Variants in FAF1 observed in about 807,000 individuals in gnomAD.
FAF1 encodes the protein Fas associated factor 1, also known as FAS-associated factor 1.
A neutral mutation model predicts 92.5 loss-of-function variants in FAF1; 25 were observed. That is an observed-to-expected ratio of 0.27 (90% confidence interval 0.20 to 0.38). The LOEUF (loss-of-function observed/expected upper bound fraction) is 0.38, where lower values mean the gene tolerates loss of function less well. Among genes scored for constraint, FAF1 ranks in the 10% least tolerant of loss-of-function variants. The probability of loss-of-function intolerance (pLI) is 1.00; values close to 1 mark genes in which losing one functional copy is unlikely to be tolerated. For synonymous variants in FAF1, 234 were observed against 273.2 expected, an observed-to-expected ratio of 0.86 and a Z score of 1.42; for missense variants, 636 against 793.3, an observed-to-expected ratio of 0.80 and a Z score of 2.38.
intron 8 of FAF1, among the ~76,000 whole-genome samples, chr1:50,622,553 T>C (rs1052424107): frequency 1.3e-5 from 2 of 152,346 alleles, no homozygotes; most frequent in Middle Eastern, 3.4e-3. Flanking sequence ...TTAAAGGATA[T>C]TAGTACAATT....
chr1:50,761,282 C>T (rs1308586695), intron 4 of FAF1, among the ~76,000 whole-genome samples: 2 of 152,186 alleles, frequency 1.3e-5, no homozygotes, highest in African/African-American at 4.8e-5. Flanking sequence ...GGTACCATTC[C>T]TTCTGAAACT....
chr1:50,544,553 C>A lies in FAF1; in HGVS notation c.1269-4825G>T, dbSNP rs115297002. On this transcript the variant is annotated intron_variant, in intron 13 of 18. Coordinates refer to ENST00000396153, the MANE Select transcript of FAF1 (RefSeq NM_007051.3). ...TCTGAAGGCAGTTCTTAAAAGAAAT[C>A]ATCATAAAAATATTTTGGGCAATGA... is the stretch of plus-strand genomic sequence containing the variant. Among the ~76,000 whole-genome samples the A allele has an allele frequency of 2.6e-3, 399 of 152,258 alleles. 1 individual carries two copies. The highest frequency in any genetic ancestry group is 9.3e-3 in the African/African-American group (386 of 41,558).
At chr1:50,791,597 C>A (rs779179221) in intron 3 of FAF1, among the ~76,000 whole-genome samples, 1 of 152,118 alleles carries the variant, frequency 6.6e-6, no homozygotes, top group Non-Finnish European at 1.5e-5. Context: ...TTCTTATAAC[C>A]AGCTTCTTGA....
intron 8 of FAF1, among the ~76,000 whole-genome samples, chr1:50,654,079 G>C (rs1384572812): frequency 2.6e-5 from 4 of 152,188 alleles, no homozygotes; most frequent in African/African-American, 9.7e-5. Flanking sequence ...TTAGATTCAA[G>C]TAGCATCTAC....
chr1:50,920,859 G>A (rs976123569), intron 1 of FAF1, among the ~76,000 whole-genome samples: 3 of 152,122 alleles, frequency 2.0e-5, no homozygotes, highest in Non-Finnish European at 4.4e-5. Context: ...AAAAAGGTAA[G>A]AATGTAAAGA....
At chr1:50,536,036 T>C (rs1441577803) in intron 14 of FAF1, among the ~76,000 whole-genome samples, 1 of 152,174 alleles carries the variant, frequency 6.6e-6, no homozygotes, top group Non-Finnish European at 1.5e-5. Context: ...CCTCAGTCTA[T>C]TACCTTTACT....
intron 7 of FAF1, among the ~76,000 whole-genome samples, chr1:50,666,378 T>G (rs1655631831): frequency 1.3e-5 from 2 of 151,990 alleles, no homozygotes; most frequent in Non-Finnish European, 2.9e-5. Context: ...GGGTAATTTT[T>G]AAACTTTTTG....
At chr1:50,537,483 T>C (rs1277663016) in intron 14 of FAF1, among the ~76,000 whole-genome samples, 1 of 152,182 alleles carries the variant, frequency 6.6e-6, no homozygotes, top group Non-Finnish European at 1.5e-5. Context: ...TAAAAATTAC[T>C]GAGATCCCCA....
At chr1:50,600,536 A>G (rs1156615621) in intron 8 of FAF1, among the ~76,000 whole-genome samples, 2 of 152,302 alleles carry the variant, frequency 1.3e-5, no homozygotes, top group East Asian at 3.9e-4. Flanking sequence ...CAAAAAAATT[A>G]AAATAAAAAA....
chr1:50,805,304 T>A (rs936881220), intron 2 of FAF1, among the ~76,000 whole-genome samples: 1 of 152,222 alleles, frequency 6.6e-6, no homozygotes, highest in Non-Finnish European at 1.5e-5. Context: ...TATGTTCATA[T>A]TTTTAATCCA....
intron 13 of FAF1, among the ~76,000 whole-genome samples, chr1:50,557,659 G>A (rs1349984920): frequency 6.6e-6 from 1 of 152,076 alleles, no homozygotes; most frequent in Non-Finnish European, 1.5e-5. Context: ...GAACTAACAT[G>A]TTTCTTTTAT....
intron 1 of FAF1, among the ~76,000 whole-genome samples, chr1:50,885,042 T>C (rs1165696348): frequency 6.6e-6 from 1 of 152,216 alleles, no homozygotes; most frequent in East Asian, 1.9e-4. Flanking sequence ...TTTAGATTTG[T>C]CAATTTATTG....
At chr1:50,949,154 G>GCATAAC (rs1455897618) in intron 1 of FAF1, among the ~76,000 whole-genome samples, 1 of 152,196 alleles carries the variant, frequency 6.6e-6, no homozygotes. Context: ...AGAAGCATCA[G>GCATAAC]CATAACCAGG....
intron 2 of FAF1, among the ~76,000 whole-genome samples, chr1:50,809,299 T>C (rs1041177860): frequency 6.6e-6 from 1 of 151,772 alleles, no homozygotes; most frequent in Non-Finnish European, 1.5e-5. Flanking sequence ...GAAAACAGCA[T>C]ATAAAAGATC....
chr1:50,548,521 T>G (rs967786831), intron 13 of FAF1, among the ~76,000 whole-genome samples: 1 of 152,234 alleles, frequency 6.6e-6, no homozygotes, highest in Admixed American at 6.5e-5. Flanking sequence ...CTTTTTCTCT[T>G]CCAACTACTT....
At chr1:50,456,088 T>C (rs116635037) in intron 18 of FAF1, among the ~76,000 whole-genome samples, 2 of 146,788 alleles carry the variant, frequency 1.4e-5, no homozygotes, top group Non-Finnish European at 3.0e-5. Flanking sequence ...CAAAAAAAAA[T>C]TTTTTTTTTT....
At chr1:50,924,920 C>T (rs1235246110) in intron 1 of FAF1, among the ~76,000 whole-genome samples, 3 of 152,100 alleles carry the variant, frequency 2.0e-5, no homozygotes, top group African/African-American at 7.2e-5. Context: ...GAGGCGGAGG[C>T]TGCAGTGAGC....
At chr1:50,537,973 C>T (rs1474409781) in intron 14 of FAF1, among the ~76,000 whole-genome samples, 2 of 152,094 alleles carry the variant, frequency 1.3e-5, no homozygotes, top group African/African-American at 4.8e-5. Flanking sequence ...TACTCTGTTA[C>T]ATTAAAATCT....
intron 1 of FAF1, among the ~76,000 whole-genome samples, chr1:50,860,848 A>G (rs1570064848): frequency 6.6e-6 from 1 of 151,964 alleles, no homozygotes; most frequent in Non-Finnish European, 1.5e-5. Context: ...CCCATCAACA[A>G]TGGACTGGAT....
Sources: gnomAD v4.1 joint callset for allele counts (sites outside exome capture counted in the v4.1 genomes callset) on GRCh38, gnomAD v4.1.1 for gene constraint, MANE v1.5 for transcripts, NCBI Gene and HGNC (gene_info 2026-07-23, HGNC 2026-07-21) for gene names.